The following SLC35F4 variants were observed in gnomAD, a reference collection of about 807,000 sequenced individuals.
SLC35F4 encodes the protein solute carrier family 35 member F4.
In SLC35F4, 24 loss-of-function variants were observed where a neutral mutation model predicts 44.2. The observed-to-expected ratio is 0.54, with a 90% CI of 0.39 to 0.76. The LOEUF is 0.76. SLC35F4 is among the 30% of genes least tolerant of loss of function. The pLI is 0.00. For missense variants in SLC35F4, 562 were observed against 586.1 expected (o/e 0.96, Z 0.42); for synonymous variants, 238 against 223.6 (o/e 1.06, Z -0.57).
chr14:57,876,016 G>A (rs1017057199), intron 1 of SLC35F4, among the ~76,000 whole-genome samples: 1 of 152,166 alleles, frequency 6.6e-6, no homozygotes, highest in Non-Finnish European at 1.5e-5. Flanking sequence ...ACTTCATTAA[G>A]CAAAATCTGG....
chr14:57,842,620 C>T (rs1456089479), intron 1 of SLC35F4, among the ~76,000 whole-genome samples: 1 of 152,142 alleles, frequency 6.6e-6, no homozygotes, highest in African/African-American at 2.4e-5. Context: ...ACCACACAAC[C>T]ACCTCTCTCT....
At chr14:57,887,946 G>A (rs1313965463) in intron 1 of SLC35F4, among the ~76,000 whole-genome samples, 1 of 152,154 alleles carries the variant, frequency 6.6e-6, no homozygotes, top group Non-Finnish European at 1.5e-5. Context: ...GGAAACTACA[G>A]CAAGCATCTT....
intron 1 of SLC35F4, among the ~76,000 whole-genome samples, chr14:57,683,281 T>C (rs58680740): frequency 0.029 from 4,469 of 152,264 alleles, 234 homozygotes; most frequent in African/African-American, 0.1. Context: ...CTTTTTTCCT[T>C]TAATAAACAA....
At chr14:57,971,024 C>T (rs1311312172) in intron 1 of SLC35F4, among the ~76,000 whole-genome samples, 2 of 152,172 alleles carry the variant, frequency 1.3e-5, no homozygotes, top group South Asian at 2.1e-4. Flanking sequence ...AATTGATGGT[C>T]CACACTCAGC....
intron 1 of SLC35F4, among the ~76,000 whole-genome samples, chr14:57,935,307 G>A (rs1889776946): frequency 6.6e-6 from 1 of 152,192 alleles, no homozygotes; most frequent in Admixed American, 6.5e-5. Context: ...AGAAACAGGA[G>A]AACTAGGGAA....
downstream of SLC35F4, among the ~76,000 whole-genome samples, chr14:57,974,859 A>G (rs151250793): frequency 1.5e-3 from 234 of 152,362 alleles, 1 homozygote; most frequent in Middle Eastern, 0.024. Context: ...AGAATTCATT[A>G]TCATCATTAT....
intron 1 of SLC35F4, among the ~76,000 whole-genome samples, chr14:57,776,017 T>C (rs1398428746): frequency 6.6e-6 from 1 of 152,144 alleles, no homozygotes; most frequent in African/African-American, 2.4e-5. Context: ...CTGCAAGTAT[T>C]AACAGCAGAA....
chr14:57,599,367 T>C (rs143346250), intron 1 of SLC35F4, among the ~76,000 whole-genome samples: 2,247 of 152,294 alleles, frequency 0.015, 16 homozygotes, highest in Middle Eastern at 0.024. Flanking sequence ...ATCAGACCCA[T>C]TGAGTCAGAA....
intron 1 of SLC35F4, among the ~76,000 whole-genome samples, chr14:57,871,422 A>AT (rs202202933): frequency 0.017 from 2,559 of 152,268 alleles, 79 homozygotes; most frequent in African/African-American, 0.054. Context: ...GCAAATAAAG[A>AT]TTTTTTTAAA....
chr14:57,981,096 A>G (rs7155377), intron 1 of SLC35F4, among the ~76,000 whole-genome samples: 76,663 of 151,970 alleles, frequency 0.5, 20,306 homozygotes, highest in African/African-American at 0.7. Flanking sequence ...CCCTTCCCAC[A>G]CTGAAGCCAA....
chr14:57,939,600 G>T (rs1414586343), intron 1 of SLC35F4, among the ~76,000 whole-genome samples: 1 of 152,168 alleles, frequency 6.6e-6, no homozygotes, highest in Non-Finnish European at 1.5e-5. Context: ...AGCGAGGAAG[G>T]GTAGAAGGCT....
At chr14:57,826,814 T>C (rs1401389928) in intron 1 of SLC35F4, among the ~76,000 whole-genome samples, 1 of 152,178 alleles carries the variant, frequency 6.6e-6, no homozygotes, top group African/African-American at 2.4e-5. Context: ...TGAGATACCA[T>C]CTCACACCAG....
intron 1 of SLC35F4, among the ~76,000 whole-genome samples, chr14:57,618,439 G>C (rs938696067): frequency 2.6e-5 from 4 of 152,162 alleles, no homozygotes; most frequent in Non-Finnish European, 5.9e-5. Context: ...AAGGGGTCGG[G>C]GGAGTTCCCT....
intron 1 of SLC35F4, among the ~76,000 whole-genome samples, chr14:57,597,369 A>G (rs1310531737): frequency 1.3e-5 from 2 of 152,178 alleles, no homozygotes; most frequent in Non-Finnish European, 2.9e-5. Context: ...GCCCAGAAGG[A>G]GAATATGATT....
At chr14:57,953,130 T>C (rs1033639338) in intron 1 of SLC35F4, among the ~76,000 whole-genome samples, 1 of 152,134 alleles carries the variant, frequency 6.6e-6, no homozygotes, top group Admixed American at 6.6e-5. Flanking sequence ...TGGGAACAAA[T>C]ATTCAACATT....
At chr14:57,644,585 G>T (rs1467321773) in intron 1 of SLC35F4, among the ~76,000 whole-genome samples, 1 of 151,966 alleles carries the variant, frequency 6.6e-6, no homozygotes, top group African/African-American at 2.4e-5. Flanking sequence ...TCTGATGGTG[G>T]TTTCTTTTGC....
At chr14:57,676,935 C>T (rs748444942) in intron 1 of SLC35F4, among the ~76,000 whole-genome samples, 1 of 152,014 alleles carries the variant, frequency 6.6e-6, no homozygotes, top group South Asian at 2.1e-4. Flanking sequence ...GAAAATAAGT[C>T]ATTATATGAA....
intron 1 of SLC35F4, among the ~76,000 whole-genome samples, chr14:57,770,335 T>C (rs573429357): frequency 6.6e-5 from 10 of 152,232 alleles, no homozygotes; most frequent in Non-Finnish European, 1.3e-4. Context: ...ATTGGTAGTA[T>C]GCCAGCTTGC....
At chr14:57,566,246 G>A (rs1251653864) in intron 7 of SLC35F4, among the ~76,000 whole-genome samples, 1 of 152,162 alleles carries the variant, frequency 6.6e-6, no homozygotes, top group Non-Finnish European at 1.5e-5. Context: ...GATACATTTG[G>A]TATTTAATTC....
Sources: allele counts gnomAD v4.1 joint callset (sites outside exome capture counted in the v4.1 genomes callset), GRCh38; gene constraint gnomAD v4.1.1; transcripts MANE v1.5; gene names NCBI Gene and HGNC (gene_info 2026-07-23, HGNC 2026-07-21).